ZNF106: variants seen among roughly 807,000 people sequenced by gnomAD.
The protein encoded by ZNF106 is SH3-domain binding protein 3.
A neutral mutation model predicts 195.1 loss-of-function variants in ZNF106; 67 were observed. The ratio of observed to expected loss-of-function variants is 0.34; its 90% CI spans 0.28 to 0.42. The LOEUF (loss-of-function observed/expected upper bound fraction) is 0.42, where lower values mean the gene tolerates loss of function less well. Ranked by LOEUF, ZNF106 falls within the 10% of genes least tolerant of loss-of-function variation. ZNF106 has a pLI of 1.00. For synonymous variants in ZNF106, 784 were observed against 818.6 expected (o/e 0.96, Z 0.72); for missense variants, 2,118 against 2,304.5 (o/e 0.92, Z 1.66).
intron 4 of ZNF106, 109 bp from the exon 5 acceptor site, chr15:42,452,063 T>TTCTAA: frequency 2.5e-6 from 3 of 1,221,256 alleles, no homozygotes; most frequent in Middle Eastern, 2.0e-4. Context: ...ACTTAGAATA[T>TTCTAA]GTAACCGAGT....
At chr15:42,458,227 A>G (rs906187862) in intron 3 of ZNF106, among the ~76,000 whole-genome samples, 1 of 152,122 alleles carries the variant, frequency 6.6e-6, no homozygotes, top group African/African-American at 2.4e-5. Flanking sequence ...ACCCAAAAGG[A>G]CATGCCGTCT....
rs1003700909 is a variant in ZNF106, at chr15:42,413,532, A to G, written c.*3772T>C. The G allele has an allele frequency of 3.3e-5, 5 of 152,610 alleles. No homozygotes were observed. In the South Asian group the frequency reaches 6.2e-4, roughly 19 times the overall value. The allele number at this position is 152,610 out of a possible 1,614,324, so 9.5% of individuals were successfully genotyped here. A position where few individuals can be genotyped will look rare whatever the true frequency, so the allele number is the denominator to read the frequency against. The stretch of plus-strand genomic sequence containing the variant: ...ACAATATACTTCAATCTCACCTCCA[A>G]TGAATTCTCTTCCATAAAATAAACC... On this transcript the variant is annotated 3_prime_UTR_variant, in exon 22 of 22. Coordinates refer to ENST00000564754, the MANE Select transcript of ZNF106 (RefSeq NM_001366845.3).
rs1392864303 is a variant in ZNF106, at chr15:42,439,108, G to A, written c.4469C>T (p.Thr1490Met). 3 of 1,614,054 alleles carry A rather than the reference G, an allele frequency of 1.9e-6. No individual in the cohort carries two copies. The highest frequency in any genetic ancestry group is 1.7e-5 in the Admixed American group (1 of 60,000). ...WNSTEQNPLE[T>M]SRSGCDEVSS... ...AACTTCATCACACCCAGAACGAGAC[G>A]TTTCTAGTGGGTTTTGCTCTGTAGA... Residue 1490 changes from threonine to methionine, a missense_variant, in exon 11 of 22, where the codon ACG becomes ATG. Coordinates refer to ENST00000564754, the MANE Select transcript of ZNF106 (RefSeq NM_001366845.3).
intron 15 of ZNF106, among the ~76,000 whole-genome samples, chr15:42,427,138 A>G (rs1223019202): frequency 6.6e-6 from 1 of 152,150 alleles, no homozygotes; most frequent in East Asian, 1.9e-4. Context: ...TACCTCTTGG[A>G]TTATATATTT....
In ZNF106 at chr15:42,413,619, C is replaced by A. The variant is rs914113313; in HGVS notation, c.*3685G>T. 1.3e-5 allele frequency: 2 copies of A among 152,604 alleles called. No homozygotes were observed. Among genetic ancestry groups the A allele is most frequent in the African/African-American group, 4.8e-5 (2 of 41,422 alleles). 9.5% of individuals were successfully genotyped at this position (152,604 alleles called of 1,614,324 possible). On this transcript the variant is annotated 3_prime_UTR_variant, in exon 22 of 22. Coordinates refer to ENST00000564754, the MANE Select transcript of ZNF106 (RefSeq NM_001366845.3). ...CCACATGCCTCATCACTAAAGTTGT[C>A]CCTTGTATAATCTACCAGCAAAAAG...
Position 42,491,069 on chromosome 15 carries a change from G to A in ZNF106, c.-122C>T, listed in dbSNP as rs1458214066. 6.6e-6 allele frequency: 1 copy of A among 151,998 alleles called. No individual in the cohort carries two copies. Among genetic ancestry groups the A allele is most frequent in the Non-Finnish European group, 1.5e-5 (1 of 68,038 alleles). The allele number at this position is 151,998 out of a possible 1,614,324, so 9.4% of individuals were successfully genotyped here. A position where few individuals can be genotyped will look rare whatever the true frequency, so the allele number is the denominator to read the frequency against. ...CCTCAGACGCCCCCTTCAGTTTTGG[G>A]TCCGGGAGCCTGCTCCGGACCCGCT... On this transcript the variant is annotated 5_prime_UTR_variant, in exon 1 of 22. Transcript: ENST00000564754.
rs552726532 is a variant in ZNF106 at position 42,415,311 on chromosome 15, G to A, written c.*1993C>T. 7 of 380,698 alleles carry A rather than the reference G, an allele frequency of 1.8e-5. No homozygotes were observed. The highest frequency in any genetic ancestry group is 6.7e-4 in the Middle Eastern group (1 of 1,494). The allele number at this position is 380,698 out of a possible 1,614,324, so 23.6% of individuals were successfully genotyped here. A position where few individuals can be genotyped will look rare whatever the true frequency, so the allele number is the denominator to read the frequency against. On this transcript the variant is annotated 3_prime_UTR_variant, in exon 22 of 22. Transcript: ENST00000564754. ...TAATTTTTGTATTTTTAATAGAGAC[G>A]GGGTTTCACTATGTTGGCCAGGCTG...
At position 42,441,794 on chromosome 15, in the gene ZNF106, T is replaced by C. The variant is rs2055545057; in HGVS notation, c.3763+279A>G. 1.2e-5 allele frequency: 3 copies of C among 251,674 alleles called. No individual in the cohort carries two copies. The South Asian group carries it at 3.3e-4, about 28-fold the overall frequency. 15.6% of individuals were successfully genotyped at this position (251,674 alleles called of 1,614,324 possible). A position where few individuals can be genotyped will look rare whatever the true frequency, so the allele number is the denominator to read the frequency against. On this transcript the variant is annotated intron_variant, in intron 10 of 21. Coordinates refer to ENST00000564754, the MANE Select transcript of ZNF106 (RefSeq NM_001366845.3). ...CCCCATTTATTTCACACGAAACAAATTTTGTACTTATCCTAATAAATGGAA... is the reference window on the plus strand; with the variant it reads ...CCCCATTTATTTCACACGAAACAAACTTTGTACTTATCCTAATAAATGGAA...
intron 4 of ZNF106, among the ~76,000 whole-genome samples, chr15:42,455,859 A>C (rs1487333468): frequency 6.6e-6 from 1 of 152,114 alleles, no homozygotes; most frequent in Admixed American, 6.6e-5. Context: ...ATCCCACCTC[A>C]TAAGTGCTTC....
chr15:42,485,958 T>C (rs1228993337), intron 1 of ZNF106, among the ~76,000 whole-genome samples: 1 of 139,068 alleles, frequency 7.2e-6, no homozygotes, highest in Non-Finnish European at 1.5e-5. Flanking sequence ...TTATTACTCT[T>C]TCTTTTTTTT....
Position 42,415,503 on chromosome 15 carries a change from TCACA to T in ZNF106, c.*1797_*1800del, listed in dbSNP as rs554162476. On this transcript the variant is annotated 3_prime_UTR_variant, in exon 22 of 22. Coordinates refer to ENST00000564754, the MANE Select transcript of ZNF106 (RefSeq NM_001366845.3). Reference sequence around the variant, plus strand: ...TGGAAAAAAGAACACATACTCAGTCTCACACACAATTTCTGGGGGCTCACAGACC... The same window carrying T: ...TGGAAAAAAGAACACATACTCAGTCTCACAATTTCTGGGGGCTCACAGACC... 1 of 455,270 alleles carries T rather than the reference TCACA, an allele frequency of 2.2e-6. No homozygotes were observed. The allele number at this position is 455,270 out of a possible 1,614,324, so 28.2% of individuals were successfully genotyped here.
At chr15:42,461,876 C>G (rs1402962548) in intron 3 of ZNF106, among the ~76,000 whole-genome samples, 4 of 152,154 alleles carry the variant, frequency 2.6e-5, no homozygotes, top group African/African-American at 4.8e-5. Context: ...ATGGTACAAG[C>G]TGGTGAAGAC....
At chr15:42,478,066 G>T (rs2056821806) in intron 1 of ZNF106, among the ~76,000 whole-genome samples, 1 of 150,442 alleles carries the variant, frequency 6.6e-6, no homozygotes. Flanking sequence ...TGCAACCTCT[G>T]TAACCTCCAC....
chr15:42,477,797 G>A (rs1232843392), intron 1 of ZNF106, among the ~76,000 whole-genome samples: 1 of 152,058 alleles, frequency 6.6e-6, no homozygotes, highest in Non-Finnish European at 1.5e-5. Context: ...GGCTGAGGCA[G>A]GAGAGTCACT....
chr15:42,467,516 G>A (rs982086915), intron 2 of ZNF106, among the ~76,000 whole-genome samples: 12 of 152,178 alleles, frequency 7.9e-5, no homozygotes, highest in Non-Finnish European at 1.0e-4. Context: ...TCTTGGCCGG[G>A]CACAGTGGCT....
chr15:42,473,394 C>A (rs921763645), intron 1 of ZNF106, among the ~76,000 whole-genome samples: 1 of 152,186 alleles, frequency 6.6e-6, no homozygotes, highest in Non-Finnish European at 1.5e-5. Flanking sequence ...CCGAATCATT[C>A]GCATGCCCTC....
intron 15 of ZNF106, among the ~76,000 whole-genome samples, chr15:42,427,400 G>T (rs2054897326): frequency 6.6e-6 from 1 of 152,164 alleles, no homozygotes; most frequent in African/African-American, 2.4e-5. Context: ...GCACATAACA[G>T]ATGCTCAATA....
chr15:42,421,042 GA>G lies in ZNF106; in HGVS notation c.5517+18del, dbSNP rs1595860788. ...GCAACCTATAGAAGTCCAGTGACAGGAAGAGTTTCACTCCTTACCCAACAGC... is the reference window on the plus strand; with the variant it reads ...GCAACCTATAGAAGTCCAGTGACAGGAGAGTTTCACTCCTTACCCAACAGC... On this transcript the variant is annotated intron_variant, in intron 20 of 21. Coordinates refer to ENST00000564754, the MANE Select transcript of ZNF106 (RefSeq NM_001366845.3). The G allele has an allele frequency of 3.1e-6, 5 of 1,612,520 alleles. No individual in the cohort carries two copies. The highest frequency in any genetic ancestry group is 4.2e-6 in the Non-Finnish European group (5 of 1,178,598).
chr15:42,438,106 G>C (rs1193551347), intron 12 of ZNF106, among the ~76,000 whole-genome samples: 1 of 151,974 alleles, frequency 6.6e-6, no homozygotes, highest in Non-Finnish European at 1.5e-5. Flanking sequence ...GATGAGAAAG[G>C]CCAGGCATGG....
Sources: gnomAD v4.1 joint callset for allele counts (sites outside exome capture counted in the v4.1 genomes callset) on GRCh38, gnomAD v4.1.1 for gene constraint, MANE v1.5 for transcripts, NCBI Gene and HGNC (gene_info 2026-07-23, HGNC 2026-07-21) for gene names.